HYDIN: variants seen among roughly 807,000 people sequenced by gnomAD.
HYDIN encodes axonemal central pair apparatus protein HYDIN.
Under a neutral mutation model 403.9 loss-of-function variants are expected in HYDIN, and 132 were observed. The observed-to-expected ratio is 0.33, with a 90% CI of 0.28 to 0.38. HYDIN has a LOEUF of 0.38. Among genes scored for constraint, HYDIN ranks in the 10% least tolerant of loss-of-function variants. HYDIN has a pLI of 1.00. For missense variants in HYDIN, 2,827 were observed against 5,009.5 expected (o/e 0.56, Z 13.15); for synonymous variants, 1,202 against 1,891.7 (o/e 0.64, Z 9.46).
At chr16:71,209,800 A>G (rs2088489135) in intron 1 of HYDIN, among the ~76,000 whole-genome samples, 1 of 152,184 alleles carries the variant, frequency 6.6e-6, no homozygotes, top group Non-Finnish European at 1.5e-5. Context: ...CCACAAAAAC[A>G]AAAAAATACC....
chr16:70,872,641 GCATC>G (rs2040201492), intron 64 of HYDIN, among the ~76,000 whole-genome samples: 2 of 48,788 alleles, frequency 4.1e-5, no homozygotes, highest in Admixed American at 2.7e-4. Context: ...ATCCACCCTC[GCATC>G]CATCCATCAT....
intron 84 of HYDIN, among the ~76,000 whole-genome samples, chr16:70,817,716 T>G (rs1243295224): frequency 6.6e-6 from 1 of 152,136 alleles, no homozygotes; most frequent in Non-Finnish European, 1.5e-5. Context: ...TCACCACACC[T>G]ATTCTATACT....
chr16:71,115,806 T>G lies in HYDIN; in HGVS notation c.1228-11A>C. The G allele has an allele frequency of 1.4e-6, 1 of 711,156 alleles. No individual in the cohort carries two copies. Among genetic ancestry groups the G allele is most frequent in the Non-Finnish European group, 2.5e-6 (1 of 393,346 alleles). 44.1% of individuals were successfully genotyped at this position (711,156 alleles called of 1,614,324 possible). ...CCAGACATCACCTTCCTGAAAAACATGAAAGAATCATTAAAAAACAATATG... is the reference window on the plus strand; with the variant it reads ...CCAGACATCACCTTCCTGAAAAACAGGAAAGAATCATTAAAAAACAATATG... On this transcript the variant is annotated splice_polypyrimidine_tract_variant and intron_variant, in intron 9 of 85. Transcript: ENST00000393567.
In HYDIN at chr16:71,062,174, G is replaced by T. The variant is rs947653446; in HGVS notation, c.2371C>A (p.Pro791Thr). Residue 791 changes from proline (P) to threonine (T), a missense_variant, in exon 17 of 86, where the codon CCT becomes ACT. Transcript: ENST00000393567. ...YISIFGSQDP[P>T]LVCHLKSAGE... The stretch of plus-strand genomic sequence containing the variant: ...TTCTGAAAATGGACTCTCACCAAAG[G>T]GGGGTCCTGGCTCCCAAAGATTGAG... 3.1e-6 allele frequency: 4 copies of T among 1,304,560 alleles called. No individual in the cohort carries two copies. The highest frequency in any genetic ancestry group is 2.9e-5 in the African/African-American group (2 of 68,448). 80.8% of individuals were successfully genotyped at this position (1,304,560 alleles called of 1,614,324 possible).
intron 41 of HYDIN, among the ~76,000 whole-genome samples, chr16:70,945,756 A>T (rs2077838016): frequency 6.6e-6 from 1 of 152,200 alleles, no homozygotes. Flanking sequence ...ATCAGCTGCC[A>T]AGAAGTCATG....
chr16:71,067,053 T>C, intron 15 of HYDIN: 2 of 633,354 alleles, frequency 3.2e-6, no homozygotes, highest in Non-Finnish European at 5.7e-6. Flanking sequence ...TTTTTCACTA[T>C]TCTTAGGATT....
chr16:71,117,870 C>A (rs1340096564), intron 9 of HYDIN, among the ~76,000 whole-genome samples: 5 of 151,964 alleles, frequency 3.3e-5, no homozygotes, highest in Non-Finnish European at 5.9e-5. Flanking sequence ...TATCAGTATA[C>A]TTTGCAGGCA....
At chr16:71,177,655 T>C (rs1446518835) in intron 4 of HYDIN, among the ~76,000 whole-genome samples, 1 of 152,234 alleles carries the variant, frequency 6.6e-6, no homozygotes, top group African/African-American at 2.4e-5. Context: ...ACTTAATTTC[T>C]ATTTTGTCTT....
intron 22 of HYDIN, among the ~76,000 whole-genome samples, chr16:71,018,710 G>C (rs1253113304): frequency 1.3e-5 from 2 of 152,308 alleles, no homozygotes; most frequent in Middle Eastern, 3.4e-3. Flanking sequence ...ATGAAAGCAA[G>C]GAAAATCTGG....
chr16:71,178,073 A>G (rs1195967002), intron 4 of HYDIN, among the ~76,000 whole-genome samples: 43 of 152,186 alleles, frequency 2.8e-4, no homozygotes, highest in Non-Finnish European at 7.4e-5. Flanking sequence ...AAGTGAAAAG[A>G]AGGCTTTTAA....
intron 60 of HYDIN, among the ~76,000 whole-genome samples, chr16:70,882,448 T>C (rs1452674208): frequency 6.6e-6 from 1 of 152,276 alleles, no homozygotes; most frequent in Non-Finnish European, 1.5e-5. Context: ...CGTCCATGCG[T>C]ACTTATCACA....
intron 5 of HYDIN, among the ~76,000 whole-genome samples, chr16:71,173,810 T>C (rs1260821072): frequency 6.6e-6 from 1 of 152,188 alleles, no homozygotes; most frequent in African/African-American, 2.4e-5. Flanking sequence ...AAGTCTTGTG[T>C]ATCCCTTTTT....
chr16:70,817,702 C>T (rs974204139), intron 84 of HYDIN, among the ~76,000 whole-genome samples: 3 of 152,096 alleles, frequency 2.0e-5, no homozygotes, highest in African/African-American at 4.8e-5. Flanking sequence ...CCTTGTTTTC[C>T]TTTTCACCAC....
chr16:71,016,512 A>C (rs565588278), intron 23 of HYDIN, among the ~76,000 whole-genome samples: 139 of 147,630 alleles, frequency 9.4e-4, no homozygotes, highest in African/African-American at 3.3e-3. Context: ...GTGCACTGTT[A>C]CTGGGAATGC....
intron 73 of HYDIN, among the ~76,000 whole-genome samples, chr16:70,854,604 G>A (rs13330643): frequency 0.039 from 5,416 of 138,784 alleles, 366 homozygotes; most frequent in African/African-American, 0.14. Flanking sequence ...TAGTAGAGAC[G>A]GGGTTTCACC....
chr16:70,873,120 T>C (rs1300703259), intron 64 of HYDIN, among the ~76,000 whole-genome samples: 2 of 45,404 alleles, frequency 4.4e-5, no homozygotes, highest in Non-Finnish European at 8.4e-5. Flanking sequence ...AGAGAAAACA[T>C]AGGTCCCCAA....
At chr16:70,892,880 G>A (rs1274937702) in intron 55 of HYDIN, among the ~76,000 whole-genome samples, 1 of 152,202 alleles carries the variant, frequency 6.6e-6, no homozygotes, top group South Asian at 2.1e-4. Context: ...CATGCAGAGC[G>A]AACAGTGACA....
At chr16:71,003,496 A>G (rs1567977228) in intron 23 of HYDIN, among the ~76,000 whole-genome samples, 2 of 150,626 alleles carry the variant, frequency 1.3e-5, no homozygotes, top group Non-Finnish European at 3.0e-5. Flanking sequence ...TGTTGCTGCT[A>G]TACAGAAATG....
intron 80 of HYDIN, among the ~76,000 whole-genome samples, chr16:70,831,510 G>GAAAA (rs61309070): frequency 2.6e-5 from 1 of 38,304 alleles, no homozygotes; most frequent in Non-Finnish European, 5.5e-5. Context: ...CTCTGTCTCA[G>GAAAA]AAAAAAAAAA....
Sources: allele counts gnomAD v4.1 joint callset (sites outside exome capture counted in the v4.1 genomes callset), GRCh38; gene constraint gnomAD v4.1.1; transcripts MANE v1.5; gene names NCBI Gene and HGNC (gene_info 2026-07-23, HGNC 2026-07-21).